Variants in ADCY5 observed in about 807,000 individuals in gnomAD.
ADCY5 encodes the protein adenylate cyclase type 5.
A neutral mutation model predicts 119.7 loss-of-function variants in ADCY5; 30 were observed. The observed-to-expected ratio is 0.25, with a 90% CI of 0.19 to 0.34. The LOEUF (loss-of-function observed/expected upper bound fraction) is 0.34, where lower values mean the gene tolerates loss of function less well. ADCY5 is among the 10% of genes least tolerant of loss of function. ADCY5 has a pLI of 1.00. For missense variants in ADCY5, 1,324 were observed against 1,775.2 expected, an observed-to-expected ratio of 0.75 and a Z score of 4.57; for synonymous variants, 753 against 762.2, an observed-to-expected ratio of 0.99 and a Z score of 0.20.
intron 12 of ADCY5, 137 bp from the exon 13 acceptor site, chr3:123,304,320 G>C (rs1940079668): frequency 1.2e-5 from 8 of 647,704 alleles, no homozygotes; most frequent in Middle Eastern, 4.2e-4. Context: ...CTTCCTGGTG[G>C]CCCTTCCAGC....
intron 1 of ADCY5, among the ~76,000 whole-genome samples, chr3:123,392,709 T>G (rs933511135): frequency 1.3e-5 from 2 of 152,142 alleles, no homozygotes; most frequent in African/African-American, 4.8e-5. Context: ...ACTTTCTGTC[T>G]CTTTCTCAGT....
At chr3:123,308,023 A>T (rs1263830138) in intron 12 of ADCY5, among the ~76,000 whole-genome samples, 63 of 104,992 alleles carry the variant, frequency 6.0e-4, no homozygotes, top group Admixed American at 8.8e-4. Context: ...TTTTTTTTTC[A>T]TGCTCTTTTT....
chr3:123,307,979 T>G (rs1940288916), intron 12 of ADCY5, among the ~76,000 whole-genome samples: 1 of 151,274 alleles, frequency 6.6e-6, no homozygotes. Flanking sequence ...CTGGCTTGCT[T>G]GCTTGCTACA....
Position 123,297,356 on chromosome 3 carries a change from T to C in ADCY5, c.2927A>G (p.Gln976Arg), listed in dbSNP as rs1939582912. The change falls in exon 16 of 21, where the codon CAG becomes CGG. Residue 976 changes from glutamine (Q) to arginine (R), a missense_variant. This residue lies in a region of ADCY5 where 424 missense variants were observed against 546.8 expected (regional missense o/e 0.78). Coordinates refer to ENST00000462833, the MANE Select transcript of ADCY5 (RefSeq NM_183357.3). ...TATCCGAGGAGCATCAACTCACCAC[T>C]GGGAGGTCCCGTTGTTGAAGAAGTC... ...AIDFFNNGTSQCPEHATKVAL... is the reference protein window; with the variant it reads ...AIDFFNNGTSRCPEHATKVAL... The C allele has an allele frequency of 2.5e-6, 4 of 1,613,952 alleles. No homozygotes were observed. The highest frequency in any genetic ancestry group is 2.5e-6 in the Non-Finnish European group (3 of 1,179,972).
At chr3:123,317,110 A>T (rs1197813815) in intron 11 of ADCY5, among the ~76,000 whole-genome samples, 2 of 152,106 alleles carry the variant, frequency 1.3e-5, no homozygotes, top group Admixed American at 1.3e-4. Flanking sequence ...TTCTCTCCCA[A>T]GCGAGACTCT....
At chr3:123,409,648 T>C (rs1341911000) in intron 1 of ADCY5, among the ~76,000 whole-genome samples, 5 of 152,090 alleles carry the variant, frequency 3.3e-5, no homozygotes, top group South Asian at 4.1e-4. Flanking sequence ...GACATGCAAA[T>C]TATTGGGCTC....
chr3:123,380,365 G>T (rs1340968147), intron 1 of ADCY5, among the ~76,000 whole-genome samples: 1 of 152,220 alleles, frequency 6.6e-6, no homozygotes, highest in Non-Finnish European at 1.5e-5. Flanking sequence ...GCGTTTGGAG[G>T]CTTTTAGATC....
intron 1 of ADCY5, among the ~76,000 whole-genome samples, chr3:123,354,613 T>A (rs1473451291): frequency 6.6e-6 from 1 of 152,120 alleles, no homozygotes; most frequent in Non-Finnish European, 1.5e-5. Context: ...TTCTGAAGTA[T>A]GATCTAGTTA....
intron 12 of ADCY5, among the ~76,000 whole-genome samples, chr3:123,307,127 T>C (rs1195910267): frequency 6.6e-6 from 1 of 152,092 alleles, no homozygotes; most frequent in East Asian, 1.9e-4. Flanking sequence ...GGGTTTCTTC[T>C]GGGGATGACA....
chr3:123,363,777 C>T (rs578002069), intron 1 of ADCY5, among the ~76,000 whole-genome samples: 1 of 152,188 alleles, frequency 6.6e-6, no homozygotes, highest in East Asian at 1.9e-4. Flanking sequence ...GGCATGGTGG[C>T]ATGCACCTGT....
At chr3:123,415,921 A>C (rs939354304) in intron 1 of ADCY5, among the ~76,000 whole-genome samples, 1 of 152,228 alleles carries the variant, frequency 6.6e-6, no homozygotes, top group African/African-American at 2.4e-5. Context: ...CAGCAAGAAG[A>C]AAAAAAGAAA....
intron 1 of ADCY5, among the ~76,000 whole-genome samples, chr3:123,445,229 G>C (rs1170759130): frequency 6.6e-6 from 1 of 152,206 alleles, no homozygotes; most frequent in Non-Finnish European, 1.5e-5. Flanking sequence ...AGGAGCCAGT[G>C]GGGGTGGGGA....
intron 1 of ADCY5, among the ~76,000 whole-genome samples, chr3:123,390,659 G>A (rs561453671): frequency 1.4e-4 from 21 of 152,228 alleles, no homozygotes; most frequent in Non-Finnish European, 2.9e-4. Flanking sequence ...GGCCTCCCCT[G>A]GGGCGTGGCA....
intron 1 of ADCY5, among the ~76,000 whole-genome samples, chr3:123,430,410 A>T (rs959235823): frequency 5.3e-5 from 8 of 151,898 alleles, no homozygotes; most frequent in African/African-American, 1.7e-4. Flanking sequence ...GGCTGACACC[A>T]CTTCAGGCCC....
intron 1 of ADCY5, among the ~76,000 whole-genome samples, chr3:123,372,652 C>T (rs2107535382): frequency 6.6e-6 from 1 of 152,278 alleles, no homozygotes. Context: ...CCACTGGGTG[C>T]CTGTGCCCCA....
chr3:123,403,560 G>A (rs1333213303), intron 1 of ADCY5, among the ~76,000 whole-genome samples: 1 of 152,110 alleles, frequency 6.6e-6, no homozygotes, highest in Non-Finnish European at 1.5e-5. Context: ...AAAAACTCAG[G>A]GAGCATTGTT....
chr3:123,398,524 C>T (rs1465682631), intron 1 of ADCY5, among the ~76,000 whole-genome samples: 1 of 152,196 alleles, frequency 6.6e-6, no homozygotes, highest in African/African-American at 2.4e-5. Context: ...AGGGCCACTA[C>T]CACAGGGATA....
chr3:123,296,862 T>C, intron 16 of ADCY5: 1 of 746,342 alleles, frequency 1.3e-6, no homozygotes, highest in Non-Finnish European at 2.1e-6. Context: ...CTACGTCTTG[T>C]GCCTGCCAAG....
chr3:123,305,265 AT>A (rs1030696223), intron 12 of ADCY5, among the ~76,000 whole-genome samples: 24 of 152,284 alleles, frequency 1.6e-4, no homozygotes, highest in African/African-American at 5.5e-4. Context: ...ATCCCTGCAA[AT>A]TCTTGCTTAA....
Sources: allele counts gnomAD v4.1 joint callset (sites outside exome capture counted in the v4.1 genomes callset), GRCh38; gene constraint gnomAD v4.1.1; regional missense constraint gnomAD v4.1.1; transcripts MANE v1.5; gene names NCBI Gene and HGNC (gene_info 2026-07-23, HGNC 2026-07-21).